Variants in TRAF1 observed in about 807,000 individuals in gnomAD.
TRAF1 encodes TNF receptor-associated factor 1.
A neutral mutation model predicts 40.9 loss-of-function variants in TRAF1; 23 were observed. That is an observed-to-expected ratio of 0.56 (90% CI 0.40 to 0.80). TRAF1 has a LOEUF of 0.80. Among genes scored for constraint, TRAF1 ranks in the 30% least tolerant of loss-of-function variants. The pLI, the probability that TRAF1 is intolerant of heterozygous loss-of-function variation, is 0.00. For synonymous variants in TRAF1, 206 were observed against 218.8 expected (o/e 0.94, Z 0.52); for missense variants, 477 against 528.7 (o/e 0.90, Z 0.96).
chr9:120,905,684 C>T (rs920923645), intron 7 of TRAF1, among the ~76,000 whole-genome samples: 1 of 152,230 alleles, frequency 6.6e-6, no homozygotes, highest in African/African-American at 2.4e-5. Context: ...AGGGCCAGAA[C>T]AGAGAGGTCT....
Position 120,909,264 on chromosome 9 carries a change from T to C in TRAF1, c.998A>G (p.Tyr333Cys). The C allele has an allele frequency of 6.2e-7, 1 of 1,614,120 alleles. No homozygotes were observed. Among genetic ancestry groups the C allele is most frequent in the Non-Finnish European group, 8.5e-7 (1 of 1,180,044 alleles). ...GAAGGGCCACGGCAGCAGCGCATCATACTCCCCTCTCATGATCACGATGAA... is the reference window on the plus strand; with the variant it reads ...GAAGGGCCACGGCAGCAGCGCATCACACTCCCCTCTCATGATCACGATGAA... ...SLFIVIMRGE[Y>C]DALLPWPFRN... Residue 333 changes from tyrosine (Y) to cysteine (C), a missense_variant, in exon 7 of 8, where the codon TAT (tyrosine) becomes TGT (cysteine). Tyr to Cys is a radical substitution (Grantham distance 194, BLOSUM62 -2). Coordinates refer to ENST00000373887, the MANE Select transcript of TRAF1 (RefSeq NM_005658.5).
intron 6 of TRAF1, among the ~76,000 whole-genome samples, chr9:120,910,085 G>C (rs2046514974): frequency 6.6e-6 from 1 of 152,204 alleles, no homozygotes; most frequent in African/African-American, 2.4e-5. Flanking sequence ...CATCCCATGA[G>C]AGCATGTCCT....
At position 120,903,225 on chromosome 9, in the gene TRAF1, G is replaced by C. The variant is rs986385054; in HGVS notation, c.*1795C>G. 6.6e-6 allele frequency: 1 copy of C among 152,262 alleles called. No homozygotes were observed. The highest frequency in any genetic ancestry group is 1.5e-5 in the Non-Finnish European group (1 of 68,050). The allele number at this position is 152,262 out of a possible 1,614,324, so 9.4% of individuals were successfully genotyped here. ...GTGGGAACAATAAAAAGCAGCCCCA[G>C]AATGTTTGCTGCTGTCGTGCATGGA... On this transcript the variant is annotated 3_prime_UTR_variant, in exon 8 of 8. Coordinates refer to ENST00000373887, the MANE Select transcript of TRAF1 (RefSeq NM_005658.5).
intron 7 of TRAF1, among the ~76,000 whole-genome samples, chr9:120,907,988 G>A (rs780350284): frequency 6.6e-6 from 1 of 152,090 alleles, no homozygotes; most frequent in Admixed American, 6.5e-5. Flanking sequence ...AACCTCCCAG[G>A]CTCAAGCAAT....
At chr9:120,919,649 G>A (rs565993032) in intron 3 of TRAF1, among the ~76,000 whole-genome samples, 5 of 152,240 alleles carry the variant, frequency 3.3e-5, no homozygotes, top group South Asian at 2.1e-4. Flanking sequence ...GCCACTGTCC[G>A]CCCGTTCCTG....
At chr9:120,905,496 G>T (rs2046474066) in intron 7 of TRAF1, among the ~76,000 whole-genome samples, 1 of 152,262 alleles carries the variant, frequency 6.6e-6, no homozygotes, top group Admixed American at 6.5e-5. Flanking sequence ...GTTCCCTCCA[G>T]CCAGCAGGAA....
upstream of TRAF1, chr9:120,927,740 G>A (rs964280645): frequency 2.0e-5 from 3 of 152,140 alleles, no homozygotes; most frequent in African/African-American, 4.8e-5. Context: ...AAGACAGCAC[G>A]GCATCTTACC....
intron 3 of TRAF1, among the ~76,000 whole-genome samples, chr9:120,918,081 G>T (rs2131629741): frequency 6.6e-6 from 1 of 152,320 alleles, no homozygotes; most frequent in East Asian, 1.9e-4. Context: ...AAGGCAAAGA[G>T]AGAGGCCTTG....
chr9:120,908,596 G>A (rs1303037816), intron 7 of TRAF1, among the ~76,000 whole-genome samples: 1 of 151,884 alleles, frequency 6.6e-6, no homozygotes, highest in Non-Finnish European at 1.5e-5. Context: ...GTCTCGCTCT[G>A]TCACCCAGGC....
At chr9:120,909,180 C>T (rs1159503232) in intron 7 of TRAF1, 50 bp downstream of exon 7, 17 of 1,592,156 alleles carry the variant, frequency 1.1e-5, no homozygotes, top group Non-Finnish European at 1.5e-5. Context: ...AGGACTAGGA[C>T]TCAGGCTTCC....
chr9:120,924,167 G>A (rs2046623220), intron 2 of TRAF1, among the ~76,000 whole-genome samples: 1 of 152,140 alleles, frequency 6.6e-6, no homozygotes, highest in Non-Finnish European at 1.5e-5. Context: ...AAAAAATTCT[G>A]AATTACAAAA....
intron 3 of TRAF1, chr9:120,914,660 G>T: frequency 1.2e-6 from 1 of 853,890 alleles, no homozygotes; most frequent in Non-Finnish European, 1.4e-6. Context: ...GCCTGGCACA[G>T]CTGAGACACT....
intron 3 of TRAF1, among the ~76,000 whole-genome samples, chr9:120,921,399 A>G (rs1453557189): frequency 6.6e-6 from 1 of 152,178 alleles, no homozygotes; most frequent in Non-Finnish European, 1.5e-5. Context: ...AAGATGAAAA[A>G]AAGCCATTGG....
rs1165173243 is a variant in TRAF1, at chr9:120,904,362, G to A, written c.*658C>T. On this transcript the variant is annotated 3_prime_UTR_variant, in exon 8 of 8. Coordinates refer to ENST00000373887, the MANE Select transcript of TRAF1 (RefSeq NM_005658.5). ...GAGTGAGGAGCTGGGAGGACAGGAA[G>A]CTCCTGAATGTTTCCAGAACCCCTG... The A allele has an allele frequency of 6.6e-6, 1 of 152,582 alleles. No individual in the cohort carries two copies. Among genetic ancestry groups the A allele is most frequent in the Non-Finnish European group, 1.5e-5 (1 of 68,374 alleles). The allele number at this position is 152,582 out of a possible 1,614,324, so 9.5% of individuals were successfully genotyped here. A position where few individuals can be genotyped will look rare whatever the true frequency, so the allele number is the denominator to read the frequency against.
chr9:120,909,896 G>A (rs1246833510), intron 6 of TRAF1, among the ~76,000 whole-genome samples: 1 of 152,158 alleles, frequency 6.6e-6, no homozygotes, highest in Non-Finnish European at 1.5e-5. Flanking sequence ...CCTGGAGGCT[G>A]AGGGTACATG....
chr9:120,905,165 G>T lies in TRAF1; in HGVS notation c.1106C>A (p.Ala369Glu), dbSNP rs770284947. ...TTCACTCTGGGGCCTCTGGAAGGAC[G>T]CTGAGCTTAGGTCAGGCCGGAAGGC... ...IDAFRPDLSS[A>E]SFQRPQSETN... The change falls in exon 8 of 8, where the codon GCG becomes GAG. Residue 369 changes from alanine to glutamate, a missense_variant. Physicochemically the swap from Ala to Glu is moderately radical, Grantham distance 107. Coordinates refer to ENST00000373887, the MANE Select transcript of TRAF1 (RefSeq NM_005658.5). 1.2e-6 allele frequency: 2 copies of T among 1,614,156 alleles called. No individual in the cohort carries two copies. Among genetic ancestry groups the T allele is most frequent in the Non-Finnish European group, 1.7e-6 (2 of 1,180,016 alleles).
At chr9:120,917,120 A>G (rs988086972) in intron 3 of TRAF1, among the ~76,000 whole-genome samples, 2 of 152,228 alleles carry the variant, frequency 1.3e-5, no homozygotes, top group African/African-American at 4.8e-5. Flanking sequence ...TGTGAACAGC[A>G]AATGTCTGTT....
At chr9:120,914,149 G>T in intron 4 of TRAF1, 86 bp downstream of exon 4, 1 of 1,204,290 alleles carries the variant, frequency 8.3e-7, no homozygotes, top group Middle Eastern at 2.1e-4. Context: ...GATGTTACGG[G>T]AAAATCATGG....
chr9:120,906,909 C>T (rs888575297), intron 7 of TRAF1, among the ~76,000 whole-genome samples: 1 of 152,112 alleles, frequency 6.6e-6, no homozygotes, highest in African/African-American at 2.4e-5. Flanking sequence ...CACTCCGTCC[C>T]CCAGGCTGGA....
Sources: gnomAD v4.1 joint callset for allele counts (sites outside exome capture counted in the v4.1 genomes callset) on GRCh38, gnomAD v4.1.1 for gene constraint, MANE v1.5 for transcripts, NCBI Gene and HGNC (gene_info 2026-07-23, HGNC 2026-07-21) for gene names.